The following CCDC178 variants were observed in gnomAD, a reference collection of about 807,000 sequenced individuals.
CCDC178 encodes the protein coiled-coil domain-containing protein 178.
A neutral mutation model predicts 117.4 loss-of-function variants in CCDC178; 126 were observed. The ratio of observed to expected loss-of-function variants is 1.07; its 90% confidence interval spans 0.93 to 1.24. CCDC178 has a LOEUF of 1.24. CCDC178 is among the 50% of genes most tolerant of loss of function. The probability of loss-of-function intolerance (pLI) is 0.00; values close to 1 mark genes in which losing one functional copy is unlikely to be tolerated. For missense variants in CCDC178, 1,030 were observed against 986.9 expected (o/e 1.04, Z -0.59); for synonymous variants, 283 against 313.4 (o/e 0.90, Z 1.02).
rs530740303 is a variant in CCDC178 at position 33,346,262 on chromosome 18, C to G, written c.607G>C (p.Asp203His). The stretch of plus-strand genomic sequence containing the variant: ...TGAAGTTTCCAGACTGACCAAGAGT[C>G]AATTTTCATGTTAATCATATTCTTT... ...SRKNMINMKIDSWSVWKLQEL... is the reference protein window; with the variant it reads ...SRKNMINMKIHSWSVWKLQEL... Residue 203 changes from aspartate (D) to histidine (H), a missense_variant, in exon 9 of 23, where the codon GAC becomes CAC. By Grantham distance (81) the Asp-to-His change is moderately conservative. Coordinates refer to ENST00000383096, the MANE Select transcript of CCDC178 (RefSeq NM_001105528.4). 6.2e-7 allele frequency: 1 copy of G among 1,614,000 alleles called. No homozygotes were observed. The highest frequency in any genetic ancestry group is 1.7e-5 in the Admixed American group (1 of 60,016).
At chr18:33,266,707 G>A (rs1443209586) in intron 14 of CCDC178, among the ~76,000 whole-genome samples, 1 of 151,196 alleles carries the variant, frequency 6.6e-6, no homozygotes, top group Non-Finnish European at 1.5e-5. Context: ...CGAGTTAATG[G>A]GTGCAGCACA....
At chr18:33,252,139 C>G (rs375349649) in intron 14 of CCDC178, among the ~76,000 whole-genome samples, 83 of 151,604 alleles carry the variant, frequency 5.5e-4, no homozygotes, top group African/African-American at 1.9e-3. Flanking sequence ...AAATTGAGAC[C>G]AGGAAATAAC....
chr18:33,019,075 T>A (rs2056058682), intron 21 of CCDC178, among the ~76,000 whole-genome samples: 1 of 152,198 alleles, frequency 6.6e-6, no homozygotes, highest in South Asian at 2.1e-4. Flanking sequence ...ACTATGTCAT[T>A]ACTTCTTTAA....
intron 11 of CCDC178, among the ~76,000 whole-genome samples, chr18:33,307,111 A>G (rs2062266596): frequency 6.6e-6 from 1 of 152,216 alleles, no homozygotes; most frequent in African/African-American, 2.4e-5. Flanking sequence ...AATTGGTACC[A>G]GTAGAGTGGG....
intron 11 of CCDC178, among the ~76,000 whole-genome samples, chr18:33,300,130 C>G (rs1378879040): frequency 6.6e-6 from 1 of 152,090 alleles, no homozygotes; most frequent in Non-Finnish European, 1.5e-5. Flanking sequence ...GTGGCCCTTC[C>G]TCCCTCTCTC....
chr18:33,213,628 T>A (rs1266834990), intron 19 of CCDC178, among the ~76,000 whole-genome samples: 2 of 151,770 alleles, frequency 1.3e-5, no homozygotes, highest in Admixed American at 1.3e-4. Flanking sequence ...TATAGCATTG[T>A]ATTAATATCT....
intron 20 of CCDC178, among the ~76,000 whole-genome samples, chr18:33,119,015 T>C (rs970752109): frequency 3.3e-5 from 5 of 152,178 alleles, no homozygotes; most frequent in Non-Finnish European, 2.9e-5. Context: ...ATCCCTTCCT[T>C]ACACCTTATA....
At chr18:33,278,748 C>T (rs2059984654) in intron 12 of CCDC178, among the ~76,000 whole-genome samples, 1 of 151,912 alleles carries the variant, frequency 6.6e-6, no homozygotes, top group Non-Finnish European at 1.5e-5. Context: ...ATCTGCTGGA[C>T]AATATGGAAC....
intron 5 of CCDC178, among the ~76,000 whole-genome samples, chr18:33,387,961 A>G (rs2063517688): frequency 1.3e-5 from 2 of 152,248 alleles, no homozygotes; most frequent in South Asian, 2.1e-4. Flanking sequence ...CAATGTATCC[A>G]TCTGACAAAG....
At chr18:33,221,053 G>T (rs1009533282) in intron 18 of CCDC178, among the ~76,000 whole-genome samples, 1 of 152,062 alleles carries the variant, frequency 6.6e-6, no homozygotes, top group Admixed American at 6.6e-5. Context: ...TATAGCCCAT[G>T]AACCCTGCAA....
At chr18:32,959,396 C>T (rs1017039147) in intron 22 of CCDC178, among the ~76,000 whole-genome samples, 1 of 152,062 alleles carries the variant, frequency 6.6e-6, no homozygotes, top group African/African-American at 2.4e-5. Flanking sequence ...TTGGTGTACA[C>T]TTTCTATGAA....
chr18:33,403,743 G>A (rs1417701601), intron 3 of CCDC178, among the ~76,000 whole-genome samples: 2 of 152,126 alleles, frequency 1.3e-5, no homozygotes, highest in Non-Finnish European at 2.9e-5. Flanking sequence ...AGTTGCTGGA[G>A]CCAAAAATGG....
intron 21 of CCDC178, among the ~76,000 whole-genome samples, chr18:33,006,812 TGA>T (rs978149727): frequency 2.0e-5 from 3 of 152,042 alleles, no homozygotes; most frequent in African/African-American, 7.2e-5. Context: ...CAAAGAATTG[TGA>T]GGGTCTCTAG....
chr18:33,268,318 A>G (rs2059844655), intron 12 of CCDC178, among the ~76,000 whole-genome samples: 2 of 152,046 alleles, frequency 1.3e-5, no homozygotes, highest in South Asian at 4.1e-4. Context: ...AAGGCCAGAA[A>G]TAAATCTGAA....
At chr18:33,229,959 C>T (rs1461452329) in intron 15 of CCDC178, among the ~76,000 whole-genome samples, 1 of 152,050 alleles carries the variant, frequency 6.6e-6, no homozygotes, top group African/African-American at 2.4e-5. Flanking sequence ...TGAGAAAAAG[C>T]CAGGGTTAAA....
intron 6 of CCDC178, among the ~76,000 whole-genome samples, chr18:33,361,819 T>C (rs1399070220): frequency 1.3e-5 from 2 of 151,644 alleles, no homozygotes; most frequent in African/African-American, 4.8e-5. Context: ...GGTGAGGGTA[T>C]GGAGAAAAGG....
chr18:33,128,280 C>T (rs1009773594), intron 20 of CCDC178, among the ~76,000 whole-genome samples: 1 of 152,136 alleles, frequency 6.6e-6, no homozygotes, highest in Non-Finnish European at 1.5e-5. Context: ...AGTCATATGT[C>T]CCACTTGATA....
chr18:33,235,454 C>A (rs2090377150), intron 15 of CCDC178, among the ~76,000 whole-genome samples: 2 of 152,116 alleles, frequency 1.3e-5, no homozygotes, highest in African/African-American at 2.4e-5. Flanking sequence ...CCTTTACTCC[C>A]AAAATGAATG....
intron 20 of CCDC178, among the ~76,000 whole-genome samples, chr18:33,119,881 T>C (rs1007020702): frequency 1.3e-5 from 2 of 152,172 alleles, no homozygotes; most frequent in African/African-American, 4.8e-5. Flanking sequence ...TCATGTCCTT[T>C]GTAGGGACGT....
Sources: gnomAD v4.1 joint callset for allele counts (sites outside exome capture counted in the v4.1 genomes callset) on GRCh38, gnomAD v4.1.1 for gene constraint, MANE v1.5 for transcripts, NCBI Gene and HGNC (gene_info 2026-07-23, HGNC 2026-07-21) for gene names.